Variants in PLEC observed in about 807,000 individuals in gnomAD.
The protein encoded by PLEC is plectin.
PLEC carries 216 observed loss-of-function variants against 392.8 expected under a neutral mutation model. The ratio of observed to expected loss-of-function variants is 0.55; its 90% CI spans 0.49 to 0.62. The LOEUF is 0.62. Among genes scored for constraint, PLEC ranks in the 20% least tolerant of loss-of-function variants. PLEC has a pLI of 0.00. For synonymous variants in PLEC, 3,621 were observed against 2,980.6 expected, an observed-to-expected ratio of 1.21 and a Z score of -7.00; for missense variants, 6,863 against 6,563.4, an observed-to-expected ratio of 1.05 and a Z score of -1.58.
At chr8:143,950,317 C>T in exon 1 of PLEC, 1 of 1,573,432 alleles carries the variant, frequency 6.4e-7, no homozygotes, top group Non-Finnish European at 8.6e-7. Flanking sequence ...TCGGCAGCGG[C>T]CCCCGCTTGG....
chr8:143,963,410 A>AC (rs1443561732), intron 1 of PLEC, among the ~76,000 whole-genome samples: 1 of 151,914 alleles, frequency 6.6e-6, no homozygotes, highest in African/African-American at 2.4e-5. Context: ...GGGCCTTGAA[A>AC]CCCCACGGAA....
At position 143,930,273 on chromosome 8, in the gene PLEC, C is replaced by A; in HGVS notation, c.2483G>T (p.Cys828Phe). The A allele has an allele frequency of 6.2e-7, 1 of 1,602,998 alleles. No homozygotes were observed. ...CGGCTGTGCAGGGCCCACCAGCTGGCACTCGTCACCCTTGTGCACAGTCAC... is the reference window on the plus strand; with the variant it reads ...CGGCTGTGCAGGGCCCACCAGCTGGAACTCGTCACCCTTGTGCACAGTCAC... ...VEVTVHKGDE[C>F]QLVGPAQPSH... Residue 828 changes from cysteine to phenylalanine, a missense_variant, in exon 21 of 32, where the codon TGC becomes TTC. Coordinates refer to ENST00000345136, the MANE Select transcript of PLEC (RefSeq NM_201384.3).
rs782084501 is a variant in PLEC at position 143,923,963 on chromosome 8, C to T, written c.5966G>A (p.Arg1989His). ...EERRRREAEE[R>H]VQKSLAAEEE... ...CTCGGCCGCCAGGCTCTTCTGCACG[C>T]GCTCCTCAGCCTCACGGCGCCGCCG... The change falls in exon 31 of 32, where the codon CGC becomes CAC. Residue 1989 changes from arginine to histidine, a missense_variant. Arg to His is a conservative substitution (Grantham distance 29). Coordinates refer to ENST00000345136, the MANE Select transcript of PLEC (RefSeq NM_201384.3). The T allele has an allele frequency of 8.4e-5, 134 of 1,592,010 alleles. No homozygotes were observed. Among genetic ancestry groups the T allele is most frequent in the Middle Eastern group, 3.4e-4 (2 of 5,864 alleles).
upstream of PLEC, among the ~76,000 whole-genome samples, chr8:143,951,399 G>T (rs1193112154): frequency 6.6e-6 from 1 of 152,124 alleles, no homozygotes; most frequent in Non-Finnish European, 1.5e-5. Flanking sequence ...GAGGGGAGCG[G>T]CTGGGGGCAG....
intron 1 of PLEC, among the ~76,000 whole-genome samples, chr8:143,963,908 G>A (rs1476690656): frequency 6.6e-6 from 1 of 151,550 alleles, no homozygotes; most frequent in Non-Finnish European, 1.5e-5. Flanking sequence ...TGCCTCTCGG[G>A]TTCAAGCAAG....
Position 143,927,030 on chromosome 8 carries a change from A to C in PLEC, c.3892T>G (p.Ser1298Ala). ...TYKAQLEPVA[S>A]PAKKPKVQSG... is the part of the protein sequence containing the mutation. ...TGGACCTTGGGCTTCTTGGCCGGGG[A>C]GGCCACCGGCTCAAGCTGCGCCTTG... is the stretch of plus-strand genomic sequence containing the variant. The change falls in exon 29 of 32, where the codon TCC becomes GCC. Residue 1298 changes from serine (S) to alanine (A), a missense_variant. Physicochemically the swap from Ser to Ala is moderately conservative, Grantham distance 99 (BLOSUM62 1). Transcript: ENST00000345136. 1 of 1,612,630 alleles carries C rather than the reference A, an allele frequency of 6.2e-7. No homozygotes were observed. Among genetic ancestry groups the C allele is most frequent in the South Asian group, 1.1e-5 (1 of 91,080 alleles).
Position 143,922,804 on chromosome 8 carries a change from C to A in PLEC, c.7125G>T (p.Gln2375His). ...QRTLEAERQRQLEMSAEAERL... is the reference protein window; with the variant it reads ...QRTLEAERQRHLEMSAEAERL... ...GCTCAGCCTCAGCGCTCATCTCCAG[C>A]TGCCGCTGCCGCTCGGCCTCCAGCG... is the stretch of plus-strand genomic sequence containing the variant. Residue 2375 changes from glutamine to histidine, a missense_variant, in exon 31 of 32, where the codon CAG becomes CAT. Transcript: ENST00000345136. 6.3e-7 allele frequency: 1 copy of A among 1,585,734 alleles called. No homozygotes were observed. The highest frequency in any genetic ancestry group is 8.6e-7 in the Non-Finnish European group (1 of 1,169,252).
chr8:143,933,647 T>C (rs1828060867), intron 12 of PLEC, among the ~76,000 whole-genome samples: 1 of 152,170 alleles, frequency 6.6e-6, no homozygotes, highest in Non-Finnish European at 1.5e-5. Flanking sequence ...CCTCCTGTAA[T>C]GCCACGTGGG....
chr8:143,922,567 C>T lies in PLEC; in HGVS notation c.7362G>A (p.Glu2454=), dbSNP rs1442462137. 7 of 1,613,408 alleles carry T rather than the reference C, an allele frequency of 4.3e-6. No individual in the cohort carries two copies. In the African/African-American group the frequency reaches 9.3e-5, roughly 22 times the overall value. Residue 2454 remains glutamate (E), a synonymous_variant, in exon 31 of 32, where the codon GAG becomes GAA. Transcript: ENST00000345136. The stretch of plus-strand genomic sequence containing the variant: ...GGAGCTTCTCCTTCTCACGCTCCAG[C>T]TCAGCGATGGCCTCCCGCAGGCGCT... ...DAERLREAIA[E]LEREKEKLQQ... is the part of the protein sequence containing the mutation.
At chr8:143,933,162 T>C (rs1827907033) in intron 13 of PLEC, 35 bp downstream of exon 13, 26 of 1,607,110 alleles carry the variant, frequency 1.6e-5, no homozygotes, top group Non-Finnish European at 2.2e-5. Flanking sequence ...GGGCCGTGTG[T>C]ACCTGGGCTT....
At chr8:143,952,220 A>ACACACACACACACGCG (rs782520190), upstream of PLEC, among the ~76,000 whole-genome samples, 6 of 139,782 alleles carry the variant, frequency 4.3e-5, no homozygotes, top group South Asian at 4.3e-4. Flanking sequence ...GCGCGCACAC[A>ACACACACACACACGCG]CGCACGCGCA....
In PLEC at chr8:143,925,568, A is replaced by C; in HGVS notation, c.4361T>G (p.Ile1454Ser). The C allele has an allele frequency of 1.3e-6, 2 of 1,585,850 alleles. No homozygotes were observed. The highest frequency in any genetic ancestry group is 1.7e-6 in the Non-Finnish European group (2 of 1,173,988). Residue 1454 changes from isoleucine to serine, a missense_variant, in exon 31 of 32, where the codon ATC becomes AGC. Transcript: ENST00000345136. ...CTCCAACTGCAGGCGCACCACGCGG[A>C]TCTCCTCCTCGATGCGCAGCCGGCT... Reference protein sequence around the residue: ...ERSRLRIEEEIRVVRLQLEAT... With the variant: ...ERSRLRIEEESRVVRLQLEAT...
chr8:143,935,189 C>T lies in PLEC; in HGVS notation c.718+9G>A, dbSNP rs1461388276. 6.2e-7 allele frequency: 1 copy of T among 1,611,840 alleles called. No individual in the cohort carries two copies. The highest frequency in any genetic ancestry group is 1.3e-5 in the African/African-American group (1 of 74,910). The stretch of plus-strand genomic sequence containing the variant: ...GGAAGGGACAGGGAGGAAGGCCACG[C>T]AGACGTACCCTCAGGGTCCAGGAGC... On this transcript the variant is annotated intron_variant, in intron 7 of 31. Coordinates refer to ENST00000345136, the MANE Select transcript of PLEC (RefSeq NM_201384.3).
Position 143,922,343 on chromosome 8 carries a change from T to G in PLEC, c.7478A>C (p.Gln2493Pro). 6.2e-7 allele frequency: 1 copy of G among 1,605,900 alleles called. No individual in the cohort carries two copies. The highest frequency in any genetic ancestry group is 1.1e-5 in the South Asian group (1 of 91,080). Residue 2493 changes from glutamine (Q) to proline (P), a missense_variant, in exon 32 of 32, where the codon CAA becomes CCA. By Grantham distance (76) the Gln-to-Pro change is moderately conservative. Transcript: ENST00000345136. ...GCTGTCCTTTTCAGAGAGGAAGCTT[T>G]GCTGCAGGGCCTGCGTCTCCTGCAG... ...QLLQETQALQQSFLSEKDSLL... is the reference protein window; with the variant it reads ...QLLQETQALQPSFLSEKDSLL...
intron 5 of PLEC, 75 bp downstream of exon 5, chr8:143,936,904 A>T: frequency 6.7e-6 from 8 of 1,196,628 alleles, no homozygotes; most frequent in Non-Finnish European, 9.9e-6. Flanking sequence ...AAGCGGATCA[A>T]CCCGCCAGCC....
rs374681191 is a variant in PLEC, at chr8:143,932,052, G to A, written c.2083-20C>T. 1,677 of 1,566,916 alleles carry A rather than the reference G, an allele frequency of 1.1e-3. 9 individuals carry two copies. Among genetic ancestry groups the A allele is most frequent in the South Asian group, 4.4e-3 (385 of 86,758 alleles). Reference sequence around the variant, plus strand: ...GAAGGACTGCGGGACAGCAGGTCCCGGTCAGGCCCCGCCCCGCCCCGCCTG... The same window carrying A: ...GAAGGACTGCGGGACAGCAGGTCCCAGTCAGGCCCCGCCCCGCCCCGCCTG... On this transcript the variant is annotated intron_variant, in intron 17 of 31. Transcript: ENST00000345136.
chr8:143,953,217 C>T (rs1161546588), upstream of PLEC, among the ~76,000 whole-genome samples: 2 of 150,680 alleles, frequency 1.3e-5, no homozygotes, highest in Non-Finnish European at 3.0e-5. Flanking sequence ...TTTGGGTTTC[C>T]AGAGCAACCA....
In PLEC at chr8:143,923,496, C is replaced by T; in HGVS notation, c.6433G>A (p.Glu2145Lys). The T allele has an allele frequency of 6.3e-7, 1 of 1,599,588 alleles. No homozygotes were observed. Among genetic ancestry groups the T allele is most frequent in the Non-Finnish European group, 8.5e-7 (1 of 1,175,384 alleles). The change falls in exon 31 of 32, where the codon GAG (glutamate) becomes AAG (lysine). Residue 2145 changes from glutamate (E) to lysine (K), a missense_variant. Glu to Lys is a moderately conservative substitution (Grantham distance 56). Transcript: ENST00000345136. ...TCCGCCTGTGCCCGCCGCGCCGCCT[C>T]TTGCTCGGCCTCCTTGCGCAGCTTC... ...AEKLRKEAEQ[E>K]AARRAQAEQA...
intron 25 of PLEC, 44 bp from the exon 26 acceptor site, chr8:143,928,036 C>CAATA (rs782189070): frequency 6.4e-7 from 1 of 1,554,992 alleles, no homozygotes; most frequent in South Asian, 1.2e-5. Flanking sequence ...GGGGCTCGAG[C>CAATA]AATAGCCCAA....
Sources: gnomAD v4.1 joint callset for allele counts (sites outside exome capture counted in the v4.1 genomes callset) on GRCh38, gnomAD v4.1.1 for gene constraint, MANE v1.5 for transcripts, NCBI Gene and HGNC (gene_info 2026-07-23, HGNC 2026-07-21) for gene names.